ADAMTSL3: variants seen among roughly 807,000 people sequenced by gnomAD.
ADAMTSL3 encodes the protein ADAMTS like 3, also known as ADAMTS-like protein 3.
ADAMTSL3 carries 128 observed loss-of-function variants against 201.7 expected under a neutral mutation model. That is an observed-to-expected ratio of 0.63 (90% CI 0.55 to 0.73). The LOEUF is 0.73. Ranked by LOEUF, ADAMTSL3 falls within the 30% of genes least tolerant of loss-of-function variation. The pLI, the probability that ADAMTSL3 is intolerant of heterozygous loss-of-function variation, is 0.00. For missense variants in ADAMTSL3, 1,990 were observed against 2,119.6 expected (o/e 0.94, Z 1.20); for synonymous variants, 738 against 748.4 (o/e 0.99, Z 0.23).
chr15:83,780,590 A>G (rs2063152761), intron 4 of ADAMTSL3, among the ~76,000 whole-genome samples: 1 of 152,158 alleles, frequency 6.6e-6, no homozygotes, highest in African/African-American at 2.4e-5. Flanking sequence ...CCTATTCAAC[A>G]TAGTGCTGGA....
At chr15:83,778,139 G>A (rs773903904) in intron 4 of ADAMTSL3, among the ~76,000 whole-genome samples, 1 of 152,264 alleles carries the variant, frequency 6.6e-6, no homozygotes, top group East Asian at 1.9e-4. Flanking sequence ...CCAAATCCAT[G>A]ACTTACTGGT....
chr15:83,946,657 T>C (rs2066660357), intron 19 of ADAMTSL3, among the ~76,000 whole-genome samples: 1 of 152,190 alleles, frequency 6.6e-6, no homozygotes, highest in Admixed American at 6.6e-5. Flanking sequence ...GTTGAAATAG[T>C]GATCTTTAGA....
At chr15:83,955,601 G>C (rs2066845463) in intron 19 of ADAMTSL3, among the ~76,000 whole-genome samples, 1 of 152,064 alleles carries the variant, frequency 6.6e-6, no homozygotes, top group Non-Finnish European at 1.5e-5. Flanking sequence ...TGGTTATTCA[G>C]GGCCCAAGGG....
chr15:84,013,606 TTTACAAAAA>T (rs967155067), intron 23 of ADAMTSL3, among the ~76,000 whole-genome samples: 6 of 151,998 alleles, frequency 3.9e-5, no homozygotes, highest in Non-Finnish European at 5.9e-5. Flanking sequence ...AAACCCTGTC[TTTACAAAAA>T]TTACAAAAAT....
At chr15:84,016,112 A>G (rs1335805229) in intron 24 of ADAMTSL3, among the ~76,000 whole-genome samples, 1 of 152,034 alleles carries the variant, frequency 6.6e-6, no homozygotes, top group African/African-American at 2.4e-5. Context: ...TGCTGAATAC[A>G]TTTTTTTCAT....
intron 3 of ADAMTSL3, among the ~76,000 whole-genome samples, chr15:83,736,752 C>G (rs535698813): frequency 6.6e-6 from 1 of 152,128 alleles, no homozygotes; most frequent in Non-Finnish European, 1.5e-5. Context: ...AATTCATGCT[C>G]CAGGTAGCCA....
chr15:83,825,429 G>A (rs563928762), intron 6 of ADAMTSL3, among the ~76,000 whole-genome samples: 14 of 152,200 alleles, frequency 9.2e-5, no homozygotes, highest in Non-Finnish European at 2.1e-4. Flanking sequence ...TGGGCAACAT[G>A]GGGAAACCTC....
Position 83,704,405 on chromosome 15 carries a change from CTCCTGGAGCCTATTTCCT to C in ADAMTSL3, c.90_107del (p.Gly31_Pro36del). 6.2e-7 allele frequency: 1 copy of C among 1,614,178 alleles called. No homozygotes were observed. Among genetic ancestry groups the C allele is most frequent in the Non-Finnish European group, 8.5e-7 (1 of 1,180,030 alleles). ...GTTTTTCAGACCACAGCTGAGAAAT[CTCCTGGAGCCTATTTCCT>C]TCCCGAGTTTGCACTTTCTCCTCAG... is the stretch of plus-strand genomic sequence containing the variant. On this transcript the variant is annotated inframe_deletion, in exon 3 of 30. Coordinates refer to ENST00000286744, the MANE Select transcript of ADAMTSL3 (RefSeq NM_207517.3).
In ADAMTSL3 at chr15:83,655,777, A is replaced by C. The variant is rs772863763; in HGVS notation, c.16A>C (p.Ser6Arg). The change falls in exon 2 of 30, where the codon AGC becomes CGC. Residue 6 changes from serine to arginine, a missense_variant. Ser to Arg is a moderately radical substitution (Grantham distance 110). Coordinates refer to ENST00000286744, the MANE Select transcript of ADAMTSL3 (RefSeq NM_207517.3). ...ACTAGACCCCATGGCTTCCTGGACG[A>C]GCCCCTGGTGGGTGCTGATAGGGAT... The part of the protein sequence containing the change: MASWT[S>R]PWWVLIGMVF... 6.2e-7 allele frequency: 1 copy of C among 1,614,156 alleles called. No homozygotes were observed. The highest frequency in any genetic ancestry group is 1.1e-5 in the South Asian group (1 of 91,080).
intron 15 of ADAMTSL3, among the ~76,000 whole-genome samples, chr15:83,903,645 C>CA (rs1481970078): frequency 4.6e-5 from 7 of 151,796 alleles, no homozygotes; most frequent in African/African-American, 1.7e-4. Flanking sequence ...CAGCCGGGCG[C>CA]AGTGGCTCAC....
At chr15:83,820,125 T>G in intron 6 of ADAMTSL3, 78 bp downstream of exon 6, 1 of 1,297,964 alleles carries the variant, frequency 7.7e-7, no homozygotes, top group Middle Eastern at 1.9e-4. Flanking sequence ...CCTTTTCTTC[T>G]GTATTTTTGT....
At chr15:83,829,302 GT>G (rs1354806243) in intron 6 of ADAMTSL3, among the ~76,000 whole-genome samples, 1 of 152,188 alleles carries the variant, frequency 6.6e-6, no homozygotes, top group Non-Finnish European at 1.5e-5. Context: ...AGATTTTCTA[GT>G]TTATTTGCGT....
intron 2 of ADAMTSL3, among the ~76,000 whole-genome samples, chr15:83,673,770 A>G (rs1356823451): frequency 1.3e-5 from 2 of 152,226 alleles, no homozygotes; most frequent in African/African-American, 4.8e-5. Context: ...AGGTGCAATT[A>G]ATGAATCCAT....
At chr15:83,915,785 G>C (rs1195315340) in intron 16 of ADAMTSL3, among the ~76,000 whole-genome samples, 1 of 152,170 alleles carries the variant, frequency 6.6e-6, no homozygotes, top group Non-Finnish European at 1.5e-5. Context: ...ACTTAGCGTA[G>C]TGTTTTCAAG....
At chr15:83,814,730 C>A (rs2063747042) in intron 5 of ADAMTSL3, among the ~76,000 whole-genome samples, 1 of 152,104 alleles carries the variant, frequency 6.6e-6, no homozygotes, top group African/African-American at 2.4e-5. Context: ...TTAAAATTTG[C>A]TTGTAGCAAC....
At chr15:83,760,797 T>C (rs1009781635) in intron 3 of ADAMTSL3, among the ~76,000 whole-genome samples, 1 of 152,142 alleles carries the variant, frequency 6.6e-6, no homozygotes, top group Admixed American at 6.5e-5. Flanking sequence ...TTTATTTTGG[T>C]TAGTAGGCTT....
rs1567226135 is a variant in ADAMTSL3, at chr15:83,903,947, A to AGG, written c.1700+4216_1700+4217insGG. Among the ~76,000 whole-genome samples, 540 of 65,858 alleles carry AGG rather than the reference A, an allele frequency of 8.2e-3. 26 individuals carry two copies. Among genetic ancestry groups the AGG allele is most frequent in the Middle Eastern group, 0.013 (2 of 154 alleles). 43.2% of individuals were successfully genotyped at this position (65,858 alleles called of 152,430 possible). On this transcript the variant is annotated intron_variant, in intron 15 of 29. Coordinates refer to ENST00000286744, the MANE Select transcript of ADAMTSL3 (RefSeq NM_207517.3). ...AAAAAAAAAAAAAAAAAAAAAAAGA[A>AGG]AAAAGAAAGAAAGAAAGAAAGAAAA...
chr15:83,655,699 G>T, intron 1 of ADAMTSL3, 30 bp from the exon 2 acceptor site: 1 of 1,541,404 alleles, frequency 6.5e-7, no homozygotes. Context: ...GCCAGAGCTG[G>T]TTGGTAATGA....
chr15:83,911,588 G>A (rs1274104472), intron 15 of ADAMTSL3, among the ~76,000 whole-genome samples: 1 of 152,190 alleles, frequency 6.6e-6, no homozygotes, highest in African/African-American at 2.4e-5. Flanking sequence ...CATGGAATCT[G>A]AGAATTAGAG....
Sources: gnomAD v4.1 joint callset for allele counts (sites outside exome capture counted in the v4.1 genomes callset) on GRCh38, gnomAD v4.1.1 for gene constraint, MANE v1.5 for transcripts, NCBI Gene and HGNC (gene_info 2026-07-23, HGNC 2026-07-21) for gene names.